The following MRE11 variants were observed in gnomAD, a reference collection of about 807,000 sequenced individuals.
MRE11 encodes MRE11 double strand break repair nuclease, also known as double-strand break repair protein MRE11.
A neutral mutation model predicts 91.7 loss-of-function variants in MRE11; 62 were observed. The observed-to-expected ratio is 0.68, with a 90% CI of 0.55 to 0.84. The LOEUF is 0.84. Among genes scored for constraint, MRE11 ranks in the 40% least tolerant of loss-of-function variants. The pLI is 0.00. For missense variants in MRE11, 796 were observed against 852.9 expected (o/e 0.93, Z 0.83); for synonymous variants, 273 against 271.4 (o/e 1.01, Z -0.06).
upstream of MRE11, chr11:94,498,260 A>G: frequency 6.2e-7 from 1 of 1,614,034 alleles, no homozygotes; most frequent in East Asian, 2.2e-5. Flanking sequence ...CAGTGCTTGT[A>G]AGTGGAATAA....
At chr11:94,450,713 A>G (rs1271622241) in intron 14 of MRE11, among the ~76,000 whole-genome samples, 1 of 152,210 alleles carries the variant, frequency 6.6e-6, no homozygotes, top group Non-Finnish European at 1.5e-5. Context: ...AGCTAAAGCA[A>G]TGCTTATAAG....
At chr11:94,420,804 G>A (rs181550185) in intron 19 of MRE11, among the ~76,000 whole-genome samples, 26 of 152,232 alleles carry the variant, frequency 1.7e-4, no homozygotes, top group Admixed American at 9.2e-4. Flanking sequence ...AGGCCGAGGC[G>A]GGTGGATCAC....
At chr11:94,489,867 G>C (rs1279890251) in intron 3 of MRE11, among the ~76,000 whole-genome samples, 1 of 152,222 alleles carries the variant, frequency 6.6e-6, no homozygotes, top group East Asian at 1.9e-4. Context: ...ACATGAAGCA[G>C]TACCTCTTCC....
chr11:94,449,644 G>A (rs916206850), intron 14 of MRE11, among the ~76,000 whole-genome samples: 10 of 152,180 alleles, frequency 6.6e-5, no homozygotes, highest in Admixed American at 1.3e-4. Flanking sequence ...TGAGAAATGT[G>A]TCATCAGGTG....
At chr11:94,461,492 T>C (rs1447936801) in intron 11 of MRE11, among the ~76,000 whole-genome samples, 2 of 152,182 alleles carry the variant, frequency 1.3e-5, no homozygotes, top group Non-Finnish European at 1.5e-5. Flanking sequence ...GAGCTATTTA[T>C]GACAAACCCA....
chr11:94,470,187 G>A lies in MRE11; in HGVS notation c.1017+284C>T, dbSNP rs3819119. 0.081 allele frequency among the ~76,000 whole-genome samples: 12,368 copies of A among 151,864 alleles called. 602 individuals are homozygous for A. Among genetic ancestry groups the A allele is most frequent in the South Asian group, 0.18 (888 of 4,822 alleles). ...TAAAATGAACAAATCATCAAATCAG[G>A]ATTAAAAAGGAGAAAAGATTATGTA... On this transcript the variant is annotated intron_variant, in intron 9 of 19. Transcript: ENST00000323929.
rs776030949 is a variant in MRE11 at position 94,459,513 on chromosome 11, C to T, written c.1395G>A (p.Glu465=). 6.2e-7 allele frequency: 1 copy of T among 1,614,034 alleles called. No homozygotes were observed. The highest frequency in any genetic ancestry group is 8.5e-7 in the Non-Finnish European group (1 of 1,179,926). ...CTAATTCCTCAATGGCATCTTTCTC[C>T]TCCTTGTCCACAAATTCTTGTACTG... ...GEAVQEFVDK[E]EKDAIEELVK... Residue 465 remains glutamate, a synonymous_variant, in exon 13 of 20, where the codon GAG becomes GAA. Coordinates refer to ENST00000323929, the MANE Select transcript of MRE11 (RefSeq NM_005591.4).
Position 94,429,856 on chromosome 11 carries a change from T to C in MRE11, c.2070+55A>G, listed in dbSNP as rs1171701143. 4.1e-6 allele frequency: 6 copies of C among 1,457,226 alleles called. No individual in the cohort carries two copies. The East Asian group carries it at 7.5e-5, about 18-fold the overall frequency. The allele number at this position is 1,457,226 out of a possible 1,614,324, so 90.3% of individuals were successfully genotyped here. On this transcript the variant is annotated intron_variant, in intron 19 of 19. Coordinates refer to ENST00000323929, the MANE Select transcript of MRE11 (RefSeq NM_005591.4). ...TTCAGCAACTAGCTGGCAGTCTCTA[T>C]TTAAATTTTATAAAGTTAAAAATTA...
chr11:94,434,336 T>A (rs1288923465), intron 18 of MRE11, among the ~76,000 whole-genome samples: 1 of 152,124 alleles, frequency 6.6e-6, no homozygotes, highest in African/African-American at 2.4e-5. Flanking sequence ...GAACAAAAAT[T>A]GGCTCCAGGG....
intron 4 of MRE11, among the ~76,000 whole-genome samples, chr11:94,484,691 C>G (rs1231304247): frequency 6.6e-6 from 1 of 152,186 alleles, no homozygotes; most frequent in Non-Finnish European, 1.5e-5. Context: ...TATGATGCGA[C>G]TGAAAGGGTA....
chr11:94,495,081 C>T (rs1947392864), upstream of MRE11, among the ~76,000 whole-genome samples: 2 of 152,240 alleles, frequency 1.3e-5, no homozygotes, highest in Admixed American at 6.5e-5. Context: ...AAAATTCTTA[C>T]ATTTTACAAT....
the MRE11 span, among the ~76,000 whole-genome samples, chr11:94,503,448 G>T: frequency 6.6e-6 from 1 of 152,126 alleles, no homozygotes; most frequent in East Asian, 1.9e-4. Context: ...CCAACATTTT[G>T]GGAGGCCAAG....
At chr11:94,427,415 T>C (rs182472483) in intron 19 of MRE11, among the ~76,000 whole-genome samples, 12 of 152,202 alleles carry the variant, frequency 7.9e-5, no homozygotes, top group African/African-American at 2.6e-4. Context: ...GAGCCAGCTA[T>C]GAAAATCCAC....
At chr11:94,430,634 G>T (rs375656269) in intron 18 of MRE11, among the ~76,000 whole-genome samples, 1 of 151,800 alleles carries the variant, frequency 6.6e-6, no homozygotes, top group South Asian at 2.1e-4. Context: ...GCTAATTTTT[G>T]TATTTTTAGT....
At chr11:94,430,228 G>A (rs1195370763) in intron 18 of MRE11, among the ~76,000 whole-genome samples, 3 of 152,140 alleles carry the variant, frequency 2.0e-5, no homozygotes, top group Non-Finnish European at 4.4e-5. Flanking sequence ...TAACCTCTCT[G>A]TGCTTCAATT....
rs1006277668 is a variant in MRE11, at chr11:94,489,180, A to C, written c.153+1653T>G. ...TGAAAAAAAGCAGAGTAATGTGATA[A>C]AACAGTGCTTGGAAGTATCAGGGAA... On this transcript the variant is annotated intron_variant, in intron 3 of 19. Coordinates refer to ENST00000323929, the MANE Select transcript of MRE11 (RefSeq NM_005591.4). Among the ~76,000 whole-genome samples, 82 of 152,110 alleles carry C rather than the reference A, an allele frequency of 5.4e-4. 2 individuals carry two copies. Among genetic ancestry groups the C allele is most frequent in the Non-Finnish European group, 5.9e-5 (4 of 68,012 alleles).
rs574055468 is a variant in MRE11, at chr11:94,446,110, A to G, written c.1784-217T>C. 1.2e-4 allele frequency among the ~76,000 whole-genome samples: 19 copies of G among 152,368 alleles called. 1 individual carries two copies. In the South Asian group the frequency reaches 1.9e-3, roughly 15 times the overall value. ...TTTATCCAATTTAATTTATCCAATTAAAATGTAAGGAAATAGGCTGGACGT... is the reference window on the plus strand; with the variant it reads ...TTTATCCAATTTAATTTATCCAATTGAAATGTAAGGAAATAGGCTGGACGT... On this transcript the variant is annotated intron_variant, in intron 15 of 19. Transcript: ENST00000323929.
chr11:94,442,985 T>C (rs182424724), intron 16 of MRE11, among the ~76,000 whole-genome samples: 20 of 152,364 alleles, frequency 1.3e-4, no homozygotes, highest in Admixed American at 1.3e-3. Context: ...GCTAAGGATC[T>C]TAGCTAGCTC....
At position 94,460,041 on chromosome 11, in the gene MRE11, C is replaced by T. The variant is rs562026200; in HGVS notation, c.1327-460G>A. 6.6e-5 allele frequency among the ~76,000 whole-genome samples: 10 copies of T among 152,048 alleles called. No homozygotes were observed. The South Asian group carries it at 2.1e-3, about 32-fold the overall frequency. ...AGCACAAGAGGGAGGCAGATGGGAG[C>T]TGGAAGGAAAAATAACTCTGGGGAA... On this transcript the variant is annotated intron_variant, in intron 12 of 19. Coordinates refer to ENST00000323929, the MANE Select transcript of MRE11 (RefSeq NM_005591.4).
Sources: allele counts gnomAD v4.1 joint callset (sites outside exome capture counted in the v4.1 genomes callset), GRCh38; gene constraint gnomAD v4.1.1; transcripts MANE v1.5; gene names NCBI Gene and HGNC (gene_info 2026-07-23, HGNC 2026-07-21).